The following ROBO2 variants were observed in gnomAD, a reference collection of about 807,000 sequenced individuals.
ROBO2 encodes roundabout guidance receptor 2, also known as roundabout homolog 2.
A neutral mutation model predicts 160.8 loss-of-function variants in ROBO2; 53 were observed. The observed-to-expected ratio is 0.33, with a 90% confidence interval of 0.26 to 0.41. ROBO2 has a LOEUF of 0.41. ROBO2 is among the 10% of genes least tolerant of loss of function. The pLI, the probability that ROBO2 is intolerant of heterozygous loss-of-function variation, is 1.00. For missense variants in ROBO2, 1,577 were observed against 1,722.4 expected (o/e 0.92, Z 1.49); for synonymous variants, 664 against 611.7 (o/e 1.09, Z -1.26).
chr3:77,056,116 C>T (rs1286278694), intron 1 of ROBO2, among the ~76,000 whole-genome samples: 4 of 152,252 alleles, frequency 2.6e-5, no homozygotes, highest in Non-Finnish European at 5.9e-5. Context: ...CTTTGTGAAA[C>T]CACACTCAGT....
At chr3:76,227,957 T>C (rs1347641292) in intron 2 of ROBO2, among the ~76,000 whole-genome samples, 2 of 152,226 alleles carry the variant, frequency 1.3e-5, no homozygotes, top group Non-Finnish European at 1.5e-5. Flanking sequence ...CTTTTGATAA[T>C]ATGCCTAATA....
intron 2 of ROBO2, among the ~76,000 whole-genome samples, chr3:75,993,718 A>G (rs987759154): frequency 1.3e-5 from 2 of 152,100 alleles, no homozygotes; most frequent in African/African-American, 4.8e-5. Flanking sequence ...AGGTGTGGCA[A>G]TGCAGATTTC....
chr3:75,972,707 T>C (rs2065030635), intron 2 of ROBO2, among the ~76,000 whole-genome samples: 1 of 151,646 alleles, frequency 6.6e-6, no homozygotes, highest in African/African-American at 2.4e-5. Context: ...ACATAAATTC[T>C]TGGACCCCTA....
intron 2 of ROBO2, among the ~76,000 whole-genome samples, chr3:77,131,850 T>G (rs1242339730): frequency 6.6e-6 from 1 of 152,156 alleles, no homozygotes; most frequent in African/African-American, 2.4e-5. Flanking sequence ...AATTTAATTT[T>G]TAAAATAATT....
At chr3:76,763,586 G>A (rs990413702) in intron 2 of ROBO2, among the ~76,000 whole-genome samples, 3 of 144,030 alleles carry the variant, frequency 2.1e-5, no homozygotes, top group South Asian at 2.2e-4. Flanking sequence ...TTTTTTACAT[G>A]TTTCCTCCTC....
At chr3:76,625,602 A>T (rs1171898498) in intron 2 of ROBO2, among the ~76,000 whole-genome samples, 2 of 152,214 alleles carry the variant, frequency 1.3e-5, no homozygotes. Flanking sequence ...AGGCTAAAAA[A>T]GGAAGTAAAG....
intron 2 of ROBO2, among the ~76,000 whole-genome samples, chr3:76,288,116 T>A (rs1171631606): frequency 1.8e-5 from 2 of 108,116 alleles, no homozygotes; most frequent in African/African-American, 1.1e-4. Context: ...CCTTGTAATA[T>A]ACACACCTAG....
chr3:76,504,189 A>G (rs2080642393), intron 2 of ROBO2, among the ~76,000 whole-genome samples: 2 of 152,236 alleles, frequency 1.3e-5, no homozygotes, highest in Non-Finnish European at 2.9e-5. Context: ...CACTGAGAAC[A>G]CTTTAAAAAA....
intron 2 of ROBO2, among the ~76,000 whole-genome samples, chr3:76,160,630 G>A (rs2072590186): frequency 6.6e-6 from 1 of 152,084 alleles, no homozygotes; most frequent in Non-Finnish European, 1.5e-5. Flanking sequence ...TTTTTGTAAA[G>A]GATCAGTGGT....
intron 2 of ROBO2, among the ~76,000 whole-genome samples, chr3:77,392,558 A>G (rs943099745): frequency 6.6e-6 from 1 of 152,126 alleles, no homozygotes; most frequent in Non-Finnish European, 1.5e-5. Flanking sequence ...TATATTGTGG[A>G]GGTATTTGCA....
At chr3:76,103,723 G>A (rs995758710) in intron 2 of ROBO2, among the ~76,000 whole-genome samples, 3 of 152,270 alleles carry the variant, frequency 2.0e-5, no homozygotes, top group Admixed American at 2.0e-4. Context: ...ATCAAACCAC[G>A]TTTCCTTTGC....
intron 2 of ROBO2, among the ~76,000 whole-genome samples, chr3:76,420,313 C>G (rs190902491): frequency 1.3e-5 from 2 of 152,126 alleles, no homozygotes; most frequent in African/African-American, 4.8e-5. Context: ...CTGAACCTGA[C>G]CCATTACACT....
intron 2 of ROBO2, among the ~76,000 whole-genome samples, chr3:76,062,388 A>G (rs1165097265): frequency 6.6e-6 from 1 of 152,086 alleles, no homozygotes; most frequent in East Asian, 1.9e-4. Flanking sequence ...CTACTTCACT[A>G]ATGTTATCCC....
intron 2 of ROBO2, among the ~76,000 whole-genome samples, chr3:76,235,149 G>A (rs939540034): frequency 9.2e-5 from 14 of 152,130 alleles, no homozygotes; most frequent in African/African-American, 3.4e-4. Context: ...TTGTGAATGT[G>A]ACTTATTTGG....
intron 2 of ROBO2, among the ~76,000 whole-genome samples, chr3:76,399,963 A>G (rs1043795883): frequency 7.9e-5 from 12 of 151,742 alleles, no homozygotes; most frequent in Non-Finnish European, 1.2e-4. Context: ...GCTTTACTCC[A>G]TAAATTCAGG....
At chr3:77,350,109 A>T (rs998207857) in intron 2 of ROBO2, among the ~76,000 whole-genome samples, 3 of 150,052 alleles carry the variant, frequency 2.0e-5, no homozygotes, top group Non-Finnish European at 4.4e-5. Context: ...ATATATATAT[A>T]ATATATATAT....
intron 2 of ROBO2, among the ~76,000 whole-genome samples, chr3:76,666,173 T>A (rs1396283424): frequency 6.6e-6 from 1 of 151,628 alleles, no homozygotes; most frequent in Non-Finnish European, 1.5e-5. Flanking sequence ...CTATTACGAT[T>A]GTTACTCTAC....
intron 2 of ROBO2, among the ~76,000 whole-genome samples, chr3:76,719,351 TA>T (rs2093429965): frequency 6.6e-6 from 1 of 152,140 alleles, no homozygotes; most frequent in South Asian, 2.1e-4. Context: ...TTTAAAGTGT[TA>T]GTTAAATAGG....
intron 2 of ROBO2, among the ~76,000 whole-genome samples, chr3:76,087,889 C>G (rs2069078346): frequency 6.6e-6 from 1 of 151,892 alleles, no homozygotes; most frequent in East Asian, 1.9e-4. Flanking sequence ...AATTTTAATT[C>G]TAATTAATAT....
Sources: gnomAD v4.1 joint callset for allele counts (sites outside exome capture counted in the v4.1 genomes callset) on GRCh38, gnomAD v4.1.1 for gene constraint, MANE v1.5 for transcripts, NCBI Gene and HGNC (gene_info 2026-07-23, HGNC 2026-07-21) for gene names.